The following DCAF8L2 variants were observed in gnomAD, a reference collection of about 807,000 sequenced individuals.
The protein encoded by DCAF8L2 is DDB1- and CUL4-associated factor 8-like protein 2.
For synonymous variants in DCAF8L2, 200 were observed against 190.9 expected (o/e 1.05, Z -0.39); for missense variants, 430 against 490.7 (o/e 0.88, Z 1.17).
the DCAF8L2 span, among the ~76,000 whole-genome samples, chrX:27,473,454 T>A: frequency 9.0e-6 from 1 of 110,889 alleles, no homozygotes; most frequent in Non-Finnish European, 1.9e-5. Context: ...TTCTCTTAAA[T>A]AAACCTTCCT....
At chrX:27,617,205 C>G in intron 1 of DCAF8L2, among the ~76,000 whole-genome samples, 1 of 111,333 alleles carries the variant, frequency 9.0e-6, no homozygotes, top group Middle Eastern at 4.7e-3. Context: ...TCCTCTGTTA[C>G]TTAGTTACAT....
At chrX:27,584,636 T>G in the DCAF8L2 span, among the ~76,000 whole-genome samples, 1 of 111,476 alleles carries the variant, frequency 9.0e-6, no homozygotes, top group Non-Finnish European at 1.9e-5. Context: ...AAACAGTAAA[T>G]GTTCAAAAAG....
chrX:27,551,706 C>T, the DCAF8L2 span, among the ~76,000 whole-genome samples: 4 of 111,361 alleles, frequency 3.6e-5, no homozygotes, highest in Non-Finnish European at 3.8e-5. Context: ...TATGTATATA[C>T]ACCATATTTT....
At chrX:27,735,218 A>G (rs1921453787) in intron 4 of DCAF8L2, among the ~76,000 whole-genome samples, 1 of 112,110 alleles carries the variant, frequency 8.9e-6, no homozygotes, top group Admixed American at 9.5e-5. Flanking sequence ...GGACAGGGCA[A>G]CAATTAGGCT....
chrX:27,700,381 GAA>G (rs60642526), intron 3 of DCAF8L2, among the ~76,000 whole-genome samples: 11 of 105,483 alleles, frequency 1.0e-4, no homozygotes, highest in South Asian at 4.1e-4. Context: ...AAGTGTTAAG[GAA>G]AAAAAAAAAT....
At chrX:27,725,097 A>T (rs896696940) in intron 4 of DCAF8L2, among the ~76,000 whole-genome samples, 2 of 81,141 alleles carry the variant, frequency 2.5e-5, no homozygotes, top group Non-Finnish European at 4.7e-5. Flanking sequence ...TTCTTTTTTT[A>T]AAAATAAGAG....
chrX:27,637,448 C>G (rs1928548757), intron 2 of DCAF8L2, among the ~76,000 whole-genome samples: 1 of 111,946 alleles, frequency 8.9e-6, no homozygotes. Flanking sequence ...CCACATGTCA[C>G]TATGTGGGTT....
chrX:27,555,349 A>G, the DCAF8L2 span, among the ~76,000 whole-genome samples: 1 of 111,785 alleles, frequency 8.9e-6, no homozygotes, highest in East Asian at 2.8e-4. Flanking sequence ...TTGCATGTCA[A>G]CCCCTAAGAG....
At position 27,689,741 on chromosome X, in the gene DCAF8L2, A is replaced by G. The variant is rs182999619; in HGVS notation, c.-143+11829A>G. On this transcript the variant is annotated intron_variant, in intron 3 of 4. Transcript: ENST00000451261. The stretch of plus-strand genomic sequence containing the variant: ...ACATTCAGCAAATATATGAGTTCAT[A>G]CTACTTTCCAAGCATTATTGATGCA... Among the ~76,000 whole-genome samples, 182 of 112,321 alleles carry G rather than the reference A, an allele frequency of 1.6e-3. 1 individual carries two copies. The highest frequency in any genetic ancestry group is 5.5e-3 in the African/African-American group (170 of 30,931).
intron 2 of DCAF8L2, among the ~76,000 whole-genome samples, chrX:27,636,912 G>C (rs1928525258): frequency 8.9e-6 from 1 of 111,883 alleles, no homozygotes; most frequent in South Asian, 3.8e-4. Context: ...CTAAAAAAGA[G>C]AATCCTTGAT....
chrX:27,472,883 A>G, the DCAF8L2 span, among the ~76,000 whole-genome samples: 13 of 111,959 alleles, frequency 1.2e-4, no homozygotes, highest in East Asian at 2.0e-3. Context: ...TGACTGTGAT[A>G]AGCTTTATTT....
At chrX:27,647,586 A>T (rs1052959121) in intron 2 of DCAF8L2, among the ~76,000 whole-genome samples, 2 of 111,840 alleles carry the variant, frequency 1.8e-5, no homozygotes, top group African/African-American at 3.3e-5. Context: ...ATAAAAAATT[A>T]AAAAATTAGA....
the DCAF8L2 span, among the ~76,000 whole-genome samples, chrX:27,571,887 C>T: frequency 9.0e-6 from 1 of 111,085 alleles, no homozygotes; most frequent in South Asian, 3.8e-4. Context: ...CTTGAATCCC[C>T]CAAACTAGTC....
intron 2 of DCAF8L2, among the ~76,000 whole-genome samples, chrX:27,664,374 A>G (rs755216187): frequency 8.9e-6 from 1 of 112,014 alleles, no homozygotes; most frequent in East Asian, 2.8e-4. Flanking sequence ...AACGCTCTTC[A>G]ATTCTGTGAA....
At chrX:27,519,917 G>A in the DCAF8L2 span, among the ~76,000 whole-genome samples, 1 of 110,939 alleles carries the variant, frequency 9.0e-6, no homozygotes, top group East Asian at 2.8e-4. Flanking sequence ...TATTAAATTG[G>A]TAAAACCAAA....
chrX:27,730,140 T>C (rs952384298), intron 4 of DCAF8L2, among the ~76,000 whole-genome samples: 30 of 112,265 alleles, frequency 2.7e-4, no homozygotes, highest in African/African-American at 9.7e-4. Context: ...CCTGCAGATA[T>C]TTAGTTCTCT....
intron 1 of DCAF8L2, among the ~76,000 whole-genome samples, chrX:27,617,094 C>T (rs1026558896): frequency 1.8e-5 from 2 of 110,929 alleles, no homozygotes; most frequent in African/African-American, 6.5e-5. Flanking sequence ...AAGAATGGTC[C>T]AAGTAGTCTG....
chrX:27,498,191 T>C, the DCAF8L2 span, among the ~76,000 whole-genome samples: 1 of 112,555 alleles, frequency 8.9e-6, no homozygotes, highest in Non-Finnish European at 1.9e-5. Context: ...GGTGTATAAC[T>C]ACAAGAAGAA....
the DCAF8L2 span, among the ~76,000 whole-genome samples, chrX:27,568,997 AG>A: frequency 1.0e-5 from 1 of 98,217 alleles, no homozygotes; most frequent in Non-Finnish European, 2.1e-5. Flanking sequence ...ACACACACAC[AG>A]AGTTAATTTT....
Sources: gnomAD v4.1 joint callset for allele counts (sites outside exome capture counted in the v4.1 genomes callset) on GRCh38, gnomAD v4.1.1 for gene constraint, MANE v1.5 for transcripts, NCBI Gene and HGNC (gene_info 2026-07-23, HGNC 2026-07-21) for gene names.